The following GNA14 variants were observed in gnomAD, a reference collection of about 807,000 sequenced individuals.
The protein encoded by GNA14 is guanine nucleotide-binding protein subunit alpha-14.
GNA14 carries 50 observed loss-of-function variants against 42.0 expected under a neutral mutation model. The observed-to-expected ratio is 1.19, with a 90% confidence interval of 0.95 to 1.51. The LOEUF (loss-of-function observed/expected upper bound fraction) is 1.51, where lower values mean the gene tolerates loss of function less well. Ranked by LOEUF, GNA14 falls within the 40% of genes most tolerant of loss-of-function variation. The pLI is 0.00. For synonymous variants in GNA14, 173 were observed against 163.1 expected, an observed-to-expected ratio of 1.06 and a Z score of -0.46; for missense variants, 473 against 446.2, an observed-to-expected ratio of 1.06 and a Z score of -0.54.
intron 2 of GNA14, among the ~76,000 whole-genome samples, chr9:77,519,369 C>T (rs562416118): frequency 3.4e-4 from 52 of 152,116 alleles, no homozygotes; most frequent in Non-Finnish European, 5.6e-4. Context: ...CGAGATTGCG[C>T]CACTACACTC....
intron 2 of GNA14, among the ~76,000 whole-genome samples, chr9:77,469,363 G>GT (rs1439067009): frequency 9.4e-5 from 7 of 74,362 alleles, no homozygotes; most frequent in Middle Eastern, 7.6e-3. Context: ...GATAAACTGT[G>GT]TTAAAAAAAA....
chr9:77,608,730 C>CGGTTT (rs1554703057), intron 1 of GNA14, among the ~76,000 whole-genome samples: 1 of 49,502 alleles, frequency 2.0e-5, no homozygotes, highest in Non-Finnish European at 4.9e-5. Flanking sequence ...GCCCAATATC[C>CGGTTT]TGTTTTTTTT....
intron 2 of GNA14, among the ~76,000 whole-genome samples, chr9:77,447,560 T>A (rs1437012834): frequency 1.3e-5 from 2 of 152,110 alleles, no homozygotes; most frequent in Non-Finnish European, 2.9e-5. Flanking sequence ...ACCCCTGAAT[T>A]TCAGTGCCTT....
At chr9:77,480,528 G>T (rs1219694448) in intron 2 of GNA14, among the ~76,000 whole-genome samples, 2 of 152,138 alleles carry the variant, frequency 1.3e-5, no homozygotes, top group Non-Finnish European at 2.9e-5. Context: ...TTGTGTCTCT[G>T]CCAGGCTTTG....
chr9:77,567,595 G>A (rs1322247925), intron 1 of GNA14, among the ~76,000 whole-genome samples: 5 of 152,128 alleles, frequency 3.3e-5, no homozygotes, highest in African/African-American at 1.2e-4. Flanking sequence ...GGCTGGGTGT[G>A]GTGGCTCACG....
chr9:77,553,847 G>GTGTGATC (rs1307693752), intron 1 of GNA14, among the ~76,000 whole-genome samples: 1 of 152,110 alleles, frequency 6.6e-6, no homozygotes, highest in African/African-American at 2.4e-5. Context: ...AGTAATCACA[G>GTGTGATC]TGTGATCCAC....
rs907268582 is a variant in GNA14, at chr9:77,473,587, A to C, written c.310-39065T>G. Among the ~76,000 whole-genome samples the C allele has an allele frequency of 5.3e-5, 8 of 151,830 alleles. No homozygotes were observed. In the South Asian group the frequency reaches 1.5e-3, roughly 28 times the overall value. ...CCAACCTGATCTACATATTCAATACAATCTCTATTAAAATTTCACCTGGAT... is the reference window on the plus strand; with the variant it reads ...CCAACCTGATCTACATATTCAATACCATCTCTATTAAAATTTCACCTGGAT... On this transcript the variant is annotated intron_variant, in intron 2 of 6. Transcript: ENST00000341700.
chr9:77,460,248 G>T (rs1836080318), intron 2 of GNA14, among the ~76,000 whole-genome samples: 1 of 152,240 alleles, frequency 6.6e-6, no homozygotes, highest in African/African-American at 2.4e-5. Flanking sequence ...GTAAGAGACA[G>T]AAGAGGACAG....
chr9:77,546,882 C>T (rs1194344778), intron 1 of GNA14, among the ~76,000 whole-genome samples: 4 of 152,134 alleles, frequency 2.6e-5, no homozygotes, highest in Non-Finnish European at 5.9e-5. Context: ...ACCATATCTT[C>T]TGGTTGCCCA....
At chr9:77,601,340 AAG>A (rs1823561058) in intron 1 of GNA14, among the ~76,000 whole-genome samples, 1 of 152,232 alleles carries the variant, frequency 6.6e-6, no homozygotes, top group South Asian at 2.1e-4. Context: ...TTGGCTAGGA[AAG>A]AGAAGTGAAA....
intron 1 of GNA14, among the ~76,000 whole-genome samples, chr9:77,594,807 T>C (rs1373197125): frequency 6.6e-6 from 1 of 152,220 alleles, no homozygotes; most frequent in Admixed American, 6.5e-5. Flanking sequence ...TGGGCAATGA[T>C]AGGGCCTTCT....
chr9:77,493,608 A>G (rs1412629465), intron 2 of GNA14, among the ~76,000 whole-genome samples: 3 of 152,234 alleles, frequency 2.0e-5, no homozygotes, highest in Admixed American at 2.0e-4. Context: ...TGATCTATCC[A>G]TATCAAATTA....
chr9:77,603,442 A>G (rs1211513812), intron 1 of GNA14, among the ~76,000 whole-genome samples: 2 of 152,104 alleles, frequency 1.3e-5, no homozygotes, highest in African/African-American at 4.8e-5. Context: ...CAGTATTTTC[A>G]TATTGGGAAA....
intron 2 of GNA14, among the ~76,000 whole-genome samples, chr9:77,474,757 T>C (rs1836390141): frequency 6.6e-6 from 1 of 152,180 alleles, no homozygotes; most frequent in African/African-American, 2.4e-5. Context: ...ATACCCATAC[T>C]GATGTATGGA....
intron 1 of GNA14, among the ~76,000 whole-genome samples, chr9:77,617,083 G>C (rs1435944309): frequency 1.3e-5 from 2 of 151,900 alleles, no homozygotes; most frequent in African/African-American, 4.8e-5. Context: ...TGTTAGCCAG[G>C]ATGGTCTCGA....
rs28395813 is a variant in GNA14, at chr9:77,431,410, G to C, written c.504C>G (p.Phe168Leu). ...TDIDRIATPS[F>L]VPTQQDVLRV... Reference sequence around the variant, plus strand: ...GAAGCACATCTTGTTGGGTAGGCACGAATGATGGTGTGGCGATGCGGTCAA... The same window carrying C: ...GAAGCACATCTTGTTGGGTAGGCACCAATGATGGTGTGGCGATGCGGTCAA... The change falls in exon 4 of 7, where the codon TTC becomes TTG. Residue 168 changes from phenylalanine to leucine, a missense_variant. Physicochemically the swap from Phe to Leu is conservative, Grantham distance 22. Coordinates refer to ENST00000341700, the MANE Select transcript of GNA14 (RefSeq NM_004297.4). 1.9e-6 allele frequency: 3 copies of C among 1,613,450 alleles called. No homozygotes were observed. In the African/African-American group the frequency reaches 4.0e-5, roughly 22 times the overall value.
chr9:77,508,159 C>G (rs1226544913), intron 2 of GNA14, among the ~76,000 whole-genome samples: 1 of 152,208 alleles, frequency 6.6e-6, no homozygotes, highest in African/African-American at 2.4e-5. Context: ...GCAGTCACTA[C>G]TTCCACCATT....
chr9:77,495,369 G>A (rs998960133), intron 2 of GNA14, among the ~76,000 whole-genome samples: 1 of 151,858 alleles, frequency 6.6e-6, no homozygotes, highest in African/African-American at 2.4e-5. Flanking sequence ...GTTTCTTCTT[G>A]GCTAATTAGC....
At chr9:77,604,612 A>G (rs1046489046) in intron 1 of GNA14, among the ~76,000 whole-genome samples, 1 of 152,116 alleles carries the variant, frequency 6.6e-6, no homozygotes, top group Non-Finnish European at 1.5e-5. Context: ...CTGACCATCC[A>G]CCTTTCAGTC....
Sources: allele counts gnomAD v4.1 joint callset (sites outside exome capture counted in the v4.1 genomes callset), GRCh38; gene constraint gnomAD v4.1.1; transcripts MANE v1.5; gene names NCBI Gene and HGNC (gene_info 2026-07-23, HGNC 2026-07-21).